SENP7: variants seen among roughly 807,000 people sequenced by gnomAD.
SENP7 encodes sentrin-specific protease 7.
In SENP7, 64 loss-of-function variants were observed where a neutral mutation model predicts 141.2. The observed-to-expected ratio is 0.45, with a 90% CI of 0.37 to 0.56. The LOEUF (loss-of-function observed/expected upper bound fraction) is 0.56. Among genes scored for constraint, SENP7 ranks in the 20% least tolerant of loss-of-function variants. The pLI is 0.00. For synonymous variants in SENP7, 382 were observed against 426.4 expected (o/e 0.90, Z 1.28); for missense variants, 1,025 against 1,212.2 (o/e 0.85, Z 2.29).
Position 101,489,790 on chromosome 3 carries a change from G to C in SENP7, c.186+4083C>G, listed in dbSNP as rs548635384. 3.9e-5 allele frequency among the ~76,000 whole-genome samples: 6 copies of C among 152,236 alleles called. No homozygotes were observed. The South Asian group carries it at 1.2e-3, about 32-fold the overall frequency. ...CACAAAGAGACTCTCACTTAAACTC[G>C]GAAGTGATTAACTGGACCTAATAGA... On this transcript the variant is annotated intron_variant, in intron 3 of 23. Coordinates refer to ENST00000394095, the MANE Select transcript of SENP7 (RefSeq NM_020654.5).
At chr3:101,422,488 TATATTTC>T (rs2061820593) in intron 4 of SENP7, among the ~76,000 whole-genome samples, 2 of 152,196 alleles carry the variant, frequency 1.3e-5, no homozygotes, top group Admixed American at 1.3e-4. Flanking sequence ...TTAATTACAT[TATATTTC>T]ACAGCAAAAA....
chr3:101,368,990 C>G (rs944074429), intron 7 of SENP7, among the ~76,000 whole-genome samples: 1 of 152,126 alleles, frequency 6.6e-6, no homozygotes, highest in African/African-American at 2.4e-5. Flanking sequence ...TTTATTTCTT[C>G]TTTTCAATAA....
intron 6 of SENP7, among the ~76,000 whole-genome samples, chr3:101,381,136 G>T (rs1299464381): frequency 2.0e-5 from 3 of 152,168 alleles, no homozygotes; most frequent in Non-Finnish European, 2.9e-5. Context: ...GGGCAAAGTG[G>T]GGAACACAGA....
intron 4 of SENP7, among the ~76,000 whole-genome samples, chr3:101,449,662 C>A (rs1056600230): frequency 1.3e-5 from 2 of 152,138 alleles, no homozygotes; most frequent in African/African-American, 2.4e-5. Flanking sequence ...TACAGACAAG[C>A]AAATGCTGAG....
At chr3:101,353,718 T>C (rs1028348670) in intron 11 of SENP7, among the ~76,000 whole-genome samples, 6 of 152,172 alleles carry the variant, frequency 3.9e-5, no homozygotes, top group South Asian at 4.1e-4. Flanking sequence ...AATGTTTACA[T>C]TTATTGCAGC....
intron 1 of SENP7, 78 bp from the exon 2 acceptor site, chr3:101,501,197 T>C: frequency 2.1e-6 from 2 of 932,008 alleles, no homozygotes; most frequent in Non-Finnish European, 3.4e-6. Flanking sequence ...GGAGATTCTT[T>C]CACATTCATC....
At position 101,351,646 on chromosome 3, in the gene SENP7, T is replaced by G; in HGVS notation, c.1629A>C (p.Thr543=). 7.4e-7 allele frequency: 1 copy of G among 1,351,022 alleles called. No individual in the cohort carries two copies. The highest frequency in any genetic ancestry group is 9.7e-7 in the Non-Finnish European group (1 of 1,030,490). The allele number at this position is 1,351,022 out of a possible 1,614,324, so 83.7% of individuals were successfully genotyped here. A position where few individuals can be genotyped will look rare whatever the true frequency, so the allele number is the denominator to read the frequency against. Residue 543 remains threonine (T), a synonymous_variant, in exon 12 of 24, where the codon ACA becomes ACC. Transcript: ENST00000394095. The part of the protein sequence containing the change: ...KGASKGCVTI[T]KKYIKIPFQV... ...GAAATGGGATCTTAATATATTTTTT[T>G]GTGATCTGAAGAAAAAATTAAAAAG...
chr3:101,458,363 ACT>A (rs1442621736), intron 4 of SENP7, among the ~76,000 whole-genome samples: 1 of 152,318 alleles, frequency 6.6e-6, no homozygotes, highest in African/African-American at 2.4e-5. Flanking sequence ...AAAATTCAAT[ACT>A]CTTTTTAAAA....
intron 4 of SENP7, among the ~76,000 whole-genome samples, chr3:101,433,265 A>G (rs1288496552): frequency 6.6e-6 from 1 of 152,002 alleles, no homozygotes; most frequent in Non-Finnish European, 1.5e-5. Flanking sequence ...CAATGGATAC[A>G]CAAAAAATAA....
intron 6 of SENP7, among the ~76,000 whole-genome samples, chr3:101,381,481 C>G (rs1486663542): frequency 1.3e-5 from 2 of 151,806 alleles, no homozygotes; most frequent in Admixed American, 6.6e-5. Flanking sequence ...AAAATATTAT[C>G]AATGCTTATT....
intron 6 of SENP7, among the ~76,000 whole-genome samples, chr3:101,375,988 T>C (rs1214276582): frequency 6.6e-6 from 1 of 152,192 alleles, no homozygotes. Context: ...GGAATTATTA[T>C]TTAATGGTAA....
intron 7 of SENP7, among the ~76,000 whole-genome samples, chr3:101,370,552 C>T (rs545512560): frequency 4.6e-5 from 7 of 152,092 alleles, no homozygotes; most frequent in Admixed American, 2.6e-4. Flanking sequence ...CCCAATACAA[C>T]ATAAATGTTA....
chr3:101,509,767 A>T (rs936091976), intron 1 of SENP7, among the ~76,000 whole-genome samples: 5 of 152,254 alleles, frequency 3.3e-5, no homozygotes, highest in Non-Finnish European at 7.3e-5. Context: ...CACTAGTAGC[A>T]GTAAATGAAG....
At chr3:101,462,936 A>G (rs531630784) in intron 3 of SENP7, among the ~76,000 whole-genome samples, 1 of 152,284 alleles carries the variant, frequency 6.6e-6, no homozygotes, top group South Asian at 2.1e-4. Context: ...AAAATCAAAT[A>G]TTTCTGCTCA....
chr3:101,328,358 T>A (rs1277465243), intron 22 of SENP7, 120 bp downstream of exon 22: 1 of 626,838 alleles, frequency 1.6e-6, no homozygotes, highest in Non-Finnish European at 2.8e-6. Flanking sequence ...TTTATAGGAT[T>A]GTTGAAATAG....
At chr3:101,329,442 A>C (rs1434905232) in intron 20 of SENP7, among the ~76,000 whole-genome samples, 3 of 152,180 alleles carry the variant, frequency 2.0e-5, no homozygotes, top group Non-Finnish European at 4.4e-5. Flanking sequence ...GTGACAGTAA[A>C]GACATAGGCC....
chr3:101,339,951 C>T, intron 16 of SENP7, 144 bp downstream of exon 16: 2 of 1,026,118 alleles, frequency 1.9e-6, no homozygotes, highest in Non-Finnish European at 1.4e-6. Flanking sequence ...TCTAGAAAAC[C>T]TTGGTAAGCA....
At chr3:101,379,490 A>G (rs557455240) in intron 6 of SENP7, among the ~76,000 whole-genome samples, 10 of 152,288 alleles carry the variant, frequency 6.6e-5, no homozygotes, top group Admixed American at 6.5e-4. Flanking sequence ...CCTACAACTT[A>G]CAAAAAAAAT....
At chr3:101,449,190 G>A (rs947629235) in intron 4 of SENP7, among the ~76,000 whole-genome samples, 1 of 152,114 alleles carries the variant, frequency 6.6e-6, no homozygotes, top group Non-Finnish European at 1.5e-5. Flanking sequence ...AAGAAGAAAC[G>A]AATAAAGCCT....
Sources: gnomAD v4.1 joint callset for allele counts (sites outside exome capture counted in the v4.1 genomes callset) on GRCh38, gnomAD v4.1.1 for gene constraint, MANE v1.5 for transcripts, NCBI Gene and HGNC (gene_info 2026-07-23, HGNC 2026-07-21) for gene names.